Variants in SLC7A9 observed in about 807,000 individuals in gnomAD.
SLC7A9 encodes B(0,+)-type amino acid transporter 1.
SLC7A9 carries 38 observed loss-of-function variants against 54.1 expected under a neutral mutation model. That is an observed-to-expected ratio of 0.70 (90% CI 0.54 to 0.92). The LOEUF (loss-of-function observed/expected upper bound fraction) is 0.92, where lower values mean the gene tolerates loss of function less well. Ranked by LOEUF, SLC7A9 falls within the 40% of genes least tolerant of loss-of-function variation. The pLI is 0.00. For synonymous variants in SLC7A9, 264 were observed against 258.9 expected (o/e 1.02, Z -0.19); for missense variants, 537 against 636.1 (o/e 0.84, Z 1.68).
At chr19:32,868,072 A>C (rs1157701815) in intron 2 of SLC7A9, among the ~76,000 whole-genome samples, 1 of 151,930 alleles carries the variant, frequency 6.6e-6, no homozygotes, top group Non-Finnish European at 1.5e-5. Flanking sequence ...CTCTACTAAA[A>C]ATACAAAAAT....
chr19:32,868,407 C>T, intron 2 of SLC7A9, 41 bp downstream of exon 2: 1 of 1,531,626 alleles, frequency 6.5e-7, no homozygotes, highest in Non-Finnish European at 9.0e-7. Flanking sequence ...GACGCCCTTG[C>T]CTAACCTGCA....
At chr19:32,835,901 GTGTGTGTGTA>G (rs1158582179) in intron 11 of SLC7A9, among the ~76,000 whole-genome samples, 3 of 123,564 alleles carry the variant, frequency 2.4e-5, no homozygotes, top group Non-Finnish European at 5.1e-5. Flanking sequence ...GTGTGTGTGT[GTGTGTGTGTA>G]TGTGTGTGTG....
At chr19:32,857,821 G>A (rs1392494206) in intron 9 of SLC7A9, among the ~76,000 whole-genome samples, 1 of 152,138 alleles carries the variant, frequency 6.6e-6, no homozygotes, top group Admixed American at 6.6e-5. Flanking sequence ...TAAAGGATTG[G>A]CAAACCACAG....
intron 12 of SLC7A9, among the ~76,000 whole-genome samples, chr19:32,832,403 A>G (rs1182228830): frequency 6.6e-6 from 1 of 151,822 alleles, no homozygotes; most frequent in Non-Finnish European, 1.5e-5. Flanking sequence ...CCTGGCCAAC[A>G]TGGTAAAACC....
chr19:32,840,155 C>T lies in SLC7A9; in HGVS notation c.1224+2013G>A, dbSNP rs547880515. ...TGGCCTTCTGTTTCCTAGCATGTTT[C>T]TTTGCTCTTATGTTCTTTCTTTTCT... On this transcript the variant is annotated intron_variant, in intron 11 of 12. Coordinates refer to ENST00000023064, the MANE Select transcript of SLC7A9 (RefSeq NM_014270.5). 1.2e-4 allele frequency among the ~76,000 whole-genome samples: 19 copies of T among 152,004 alleles called. 1 individual carries two copies. The highest frequency in any genetic ancestry group is 4.1e-4 in the African/African-American group (17 of 41,470).
rs138819267 is a variant in SLC7A9, at chr19:32,855,427, C to T, written c.977+3013G>A. The stretch of plus-strand genomic sequence containing the variant: ...GCTAATAGAAAAATGCAGCCGGGCG[C>T]GGTGGCTCACGCCTGTAATCCCAGC... On this transcript the variant is annotated intron_variant, in intron 9 of 12. Transcript: ENST00000023064. Among the ~76,000 whole-genome samples the T allele has an allele frequency of 4.5e-3, 690 of 152,232 alleles. 1 individual carries two copies. The highest frequency in any genetic ancestry group is 0.014 in the African/African-American group (600 of 41,564).
intron 11 of SLC7A9, among the ~76,000 whole-genome samples, chr19:32,840,035 T>G (rs1968085262): frequency 1.3e-5 from 2 of 152,178 alleles, no homozygotes; most frequent in Non-Finnish European, 2.9e-5. Context: ...ATGCATGTAT[T>G]AGATTCCCCA....
chr19:32,848,135 G>A (rs1466203468), intron 9 of SLC7A9, among the ~76,000 whole-genome samples: 2 of 152,144 alleles, frequency 1.3e-5, no homozygotes, highest in Admixed American at 1.3e-4. Flanking sequence ...CAACTAACGA[G>A]CAAAATAACC....
At chr19:32,841,812 C>G (rs1968134294) in intron 11 of SLC7A9, among the ~76,000 whole-genome samples, 1 of 152,096 alleles carries the variant, frequency 6.6e-6, no homozygotes, top group African/African-American at 2.4e-5. Flanking sequence ...GAAGCTGAAG[C>G]AGGAGAGTTG....
chr19:32,850,111 A>T (rs959656071), intron 9 of SLC7A9, among the ~76,000 whole-genome samples: 16,355 of 149,124 alleles, frequency 0.11, 1,013 homozygotes, highest in Middle Eastern at 0.15. Flanking sequence ...ATTCCCTTTG[A>T]AAACTGGCAC....
intron 6 of SLC7A9, among the ~76,000 whole-genome samples, chr19:32,861,342 G>GA (rs928272339): frequency 6.0e-5 from 9 of 150,046 alleles, no homozygotes; most frequent in Admixed American, 6.6e-5. Context: ...AAAAAAAAAA[G>GA]AAAAAAAAGG....
intron 2 of SLC7A9, 112 bp from the exon 3 acceptor site, chr19:32,864,888 C>G: frequency 7.1e-7 from 1 of 1,418,196 alleles, no homozygotes; most frequent in African/African-American, 1.4e-5. Flanking sequence ...AAGCCCATGT[C>G]CCAGGCGCTT....
intron 3 of SLC7A9, 125 bp from the exon 4 acceptor site, chr19:32,864,463 C>T (rs986044932): frequency 6.4e-5 from 97 of 1,507,708 alleles, no homozygotes; most frequent in South Asian, 2.3e-4. Flanking sequence ...CCTCGCTGGA[C>T]GGCCCTGAGC....
In SLC7A9 at chr19:32,860,002, C is replaced by T. The variant is rs758595861; in HGVS notation, c.750-38G>A. On this transcript the variant is annotated intron_variant, in intron 7 of 12. Transcript: ENST00000023064. ...ATGACACGGAGACCCACGTTCAGAC[C>T]ACAGCCTCCCGCGGAAGATGGACGC... The T allele has an allele frequency of 4.3e-6, 7 of 1,613,948 alleles. No homozygotes were observed. In the South Asian group the frequency reaches 5.5e-5, roughly 13 times the overall value.
chr19:32,842,341 G>A lies in SLC7A9; in HGVS notation c.1075-24C>T, dbSNP rs202038966. ...CCCTAATAGAAAGAAGAATGGATTT[G>A]TAGGTCATTACTACAAAACACTGTT... is the stretch of plus-strand genomic sequence containing the variant. On this transcript the variant is annotated intron_variant, in intron 10 of 12. Coordinates refer to ENST00000023064, the MANE Select transcript of SLC7A9 (RefSeq NM_014270.5). 6 of 1,607,942 alleles carry A rather than the reference G, an allele frequency of 3.7e-6. No homozygotes were observed. The Admixed American group carries it at 8.3e-5, about 22-fold the overall frequency.
At chr19:32,867,416 C>G (rs1969003014) in intron 2 of SLC7A9, among the ~76,000 whole-genome samples, 3 of 151,630 alleles carry the variant, frequency 2.0e-5, no homozygotes. Flanking sequence ...ACTCAGGAGG[C>G]TGAGGCAGGA....
chr19:32,865,979 G>A (rs972942169), intron 2 of SLC7A9, among the ~76,000 whole-genome samples: 3 of 147,242 alleles, frequency 2.0e-5, no homozygotes, highest in African/African-American at 7.5e-5. Flanking sequence ...AAAAAAACCT[G>A]CACATTACAC....
At chr19:32,845,424 A>G (rs542319877) in intron 9 of SLC7A9, among the ~76,000 whole-genome samples, 242 of 149,458 alleles carry the variant, frequency 1.6e-3, no homozygotes, top group African/African-American at 5.9e-3. Flanking sequence ...GAACCTGGGA[A>G]GCGGAGGTTG....
At chr19:32,862,256 G>A (rs775572939) in intron 5 of SLC7A9, 39 bp from the exon 6 acceptor site, 21 of 1,537,518 alleles carry the variant, frequency 1.4e-5, no homozygotes, top group East Asian at 1.1e-4. Context: ...GGTGTCAACC[G>A]GGCAGATCTT....
Sources: gnomAD v4.1 joint callset for allele counts (sites outside exome capture counted in the v4.1 genomes callset) on GRCh38, gnomAD v4.1.1 for gene constraint, MANE v1.5 for transcripts, NCBI Gene and HGNC (gene_info 2026-07-23, HGNC 2026-07-21) for gene names.